FGF12: variants seen among roughly 807,000 people sequenced by gnomAD.
FGF12 encodes the protein fibroblast growth factor 12B.
In FGF12, 14 loss-of-function variants were observed where a neutral mutation model predicts 23.6. That is an observed-to-expected ratio of 0.59 (90% CI 0.39 to 0.93). FGF12 has a LOEUF of 0.93. Ranked by LOEUF, FGF12 falls within the 40% of genes least tolerant of loss-of-function variation. The pLI is 0.00. For missense variants in FGF12, 175 were observed against 217.8 expected (o/e 0.80, Z 1.24); for synonymous variants, 62 against 77.3 (o/e 0.80, Z 1.04).
chr3:192,270,786 G>GGGAAGGAA (rs57509999), intron 4 of FGF12, among the ~76,000 whole-genome samples: 87 of 149,914 alleles, frequency 5.8e-4, no homozygotes, highest in African/African-American at 1.5e-3. Context: ...GAAGAAAAGT[G>GGGAAGGAA]GGAAGGAAGG....
intron 5 of FGF12, among the ~76,000 whole-genome samples, chr3:192,147,019 G>A (rs1713765129): frequency 6.6e-6 from 1 of 152,134 alleles, no homozygotes; most frequent in African/African-American, 2.4e-5. Flanking sequence ...CAAGTAAAAG[G>A]TAGGTTTTCC....
intron 2 of FGF12, among the ~76,000 whole-genome samples, chr3:192,512,265 A>T (rs1724500687): frequency 6.6e-6 from 1 of 152,184 alleles, no homozygotes; most frequent in Non-Finnish European, 1.5e-5. Context: ...AATGTTTGAT[A>T]TCATTACCTC....
chr3:192,683,158 T>G (rs1022939171), intron 2 of FGF12, among the ~76,000 whole-genome samples: 1 of 152,148 alleles, frequency 6.6e-6, no homozygotes, highest in Non-Finnish European at 1.5e-5. Context: ...CCTTCCAAAT[T>G]TGTATTCAGT....
Position 192,722,075 on chromosome 3 carries a change from T to C in FGF12, c.13+5106A>G, listed in dbSNP as rs186178405. On this transcript the variant is annotated intron_variant, in intron 2 of 5. Transcript: ENST00000445105. ...TATTTATACCTCTGTCCCCCACATT[T>C]AATAATGTGCCTGGAACAATGTGGC... Among the ~76,000 whole-genome samples, 204 of 152,312 alleles carry C rather than the reference T, an allele frequency of 1.3e-3. 3 individuals carry two copies. In the Middle Eastern group the frequency reaches 0.065, roughly 48 times the overall value.
chr3:192,708,128 T>G (rs543061706), intron 2 of FGF12, among the ~76,000 whole-genome samples: 1 of 151,910 alleles, frequency 6.6e-6, no homozygotes, highest in African/African-American at 2.4e-5. Context: ...CCCGGCCAAT[T>G]TTTTGTATTT....
chr3:192,402,778 T>C (rs926382605), intron 2 of FGF12, among the ~76,000 whole-genome samples: 1 of 152,186 alleles, frequency 6.6e-6, no homozygotes, highest in African/African-American at 2.4e-5. Flanking sequence ...AATTTATTAT[T>C]ATAGATGATT....
intron 4 of FGF12, among the ~76,000 whole-genome samples, chr3:192,191,486 T>G (rs987068583): frequency 3.3e-5 from 5 of 152,130 alleles, no homozygotes; most frequent in Non-Finnish European, 5.9e-5. Flanking sequence ...AGGGAGTATA[T>G]GGGATATCTT....
In FGF12 at chr3:192,280,881, C is replaced by G. The variant is rs558142613; in HGVS notation, c.228+54480G>C. On this transcript the variant is annotated intron_variant, in intron 4 of 5. Transcript: ENST00000445105. Reference sequence around the variant, plus strand: ...TCTTAGATATATTTCCACAGAAGGTCTGTCTTAAAAATGTAAAATTTAGGC... The same window carrying G: ...TCTTAGATATATTTCCACAGAAGGTGTGTCTTAAAAATGTAAAATTTAGGC... Among the ~76,000 whole-genome samples, 5 of 152,270 alleles carry G rather than the reference C, an allele frequency of 3.3e-5. No individual in the cohort carries two copies. In the South Asian group the frequency reaches 1.0e-3, roughly 32 times the overall value.
At chr3:192,429,506 T>C (rs186351146) in intron 2 of FGF12, among the ~76,000 whole-genome samples, 1 of 152,190 alleles carries the variant, frequency 6.6e-6, no homozygotes, top group South Asian at 2.1e-4. Flanking sequence ...GATAGTCATA[T>C]CCTTAAAATA....
chr3:192,546,114 G>T (rs1050694734), intron 2 of FGF12, among the ~76,000 whole-genome samples: 3 of 152,156 alleles, frequency 2.0e-5, no homozygotes, highest in Admixed American at 2.0e-4. Context: ...TTTGAGTCTG[G>T]ACAACTTTGA....
intron 2 of FGF12, among the ~76,000 whole-genome samples, chr3:192,650,372 T>G (rs1716172618): frequency 6.6e-6 from 1 of 152,230 alleles, no homozygotes. Context: ...TCCATGCCTT[T>G]GCACCTGCTA....
At chr3:192,655,605 C>A (rs1336719716) in intron 2 of FGF12, among the ~76,000 whole-genome samples, 2 of 152,032 alleles carry the variant, frequency 1.3e-5, no homozygotes, top group South Asian at 4.2e-4. Flanking sequence ...TACTAGTTGA[C>A]CCATTTAATC....
rs187655368 is a variant in FGF12 at position 192,644,549 on chromosome 3, C to T, written c.13+82632G>A. ...TGTTACCAAATGTCAGTTGCTGTCT[C>T]ACACCTAGGACACTGTTGTTACTTC... On this transcript the variant is annotated intron_variant, in intron 2 of 5. Transcript: ENST00000445105. Among the ~76,000 whole-genome samples the T allele has an allele frequency of 1.0e-3, 155 of 152,230 alleles. 2 individuals carry two copies. The Middle Eastern group carries it at 0.01, about 10-fold the overall frequency.
Position 192,281,808 on chromosome 3 carries a change from C to A in FGF12, c.228+53553G>T, listed in dbSNP as rs11915830. ...CCCTCCCAAAGCTGTTCCCTATAGC[C>A]CTTATGCAATCCTAGAGTGCAAAGG... On this transcript the variant is annotated intron_variant, in intron 4 of 5. Coordinates refer to ENST00000445105, the MANE Select transcript of FGF12 (RefSeq NM_004113.6). Among the ~76,000 whole-genome samples, 1,081 of 152,204 alleles carry A rather than the reference C, an allele frequency of 7.1e-3. 8 individuals carry two copies. The highest frequency in any genetic ancestry group is 0.025 in the African/African-American group (1,047 of 41,530).
At chr3:192,628,754 T>G (rs1421025673) in intron 2 of FGF12, among the ~76,000 whole-genome samples, 1 of 150,468 alleles carries the variant, frequency 6.6e-6, no homozygotes, top group Non-Finnish European at 1.5e-5. Context: ...CATAAATATA[T>G]ACTTTTTACT....
chr3:192,633,937 C>T lies in FGF12; in HGVS notation c.13+93244G>A, dbSNP rs141060290. Among the ~76,000 whole-genome samples the T allele has an allele frequency of 4.7e-3, 720 of 152,220 alleles. 3 individuals carry two copies. Among genetic ancestry groups the T allele is most frequent in the African/African-American group, 0.016 (677 of 41,542 alleles). On this transcript the variant is annotated intron_variant, in intron 2 of 5. Coordinates refer to ENST00000445105, the MANE Select transcript of FGF12 (RefSeq NM_004113.6). ...CCTCCACCTTTTTATAACTGTATAT[C>T]GTTGTTGCTTCTCCTGAAATCCCTG...
chr3:192,311,931 A>G (rs111831105), intron 4 of FGF12, among the ~76,000 whole-genome samples: 92 of 88,664 alleles, frequency 1.0e-3, no homozygotes, highest in African/African-American at 3.2e-3. Flanking sequence ...CTGTCTGTCT[A>G]TCTATCTATC....
intron 4 of FGF12, among the ~76,000 whole-genome samples, chr3:192,225,956 T>C (rs921726963): frequency 6.6e-6 from 1 of 152,032 alleles, no homozygotes; most frequent in Non-Finnish European, 1.5e-5. Context: ...GGGGGAAGGA[T>C]GGAATAGGAA....
chr3:192,374,705 T>C (rs1389590235), intron 2 of FGF12, among the ~76,000 whole-genome samples: 1 of 152,134 alleles, frequency 6.6e-6, no homozygotes, highest in Non-Finnish European at 1.5e-5. Context: ...TCTCATTTTA[T>C]AGATGTTAAT....
Sources: gnomAD v4.1 joint callset for allele counts (sites outside exome capture counted in the v4.1 genomes callset) on GRCh38, gnomAD v4.1.1 for gene constraint, MANE v1.5 for transcripts, NCBI Gene and HGNC (gene_info 2026-07-23, HGNC 2026-07-21) for gene names.